Variants in PCDHGA5 observed in about 807,000 individuals in gnomAD.
PCDHGA5 encodes protocadherin gamma-A5.
Under a neutral mutation model 56.7 loss-of-function variants are expected in PCDHGA5, and 36 were observed. The ratio of observed to expected loss-of-function variants is 0.64; its 90% CI spans 0.49 to 0.84. PCDHGA5 has a LOEUF of 0.84. Among genes scored for constraint, PCDHGA5 ranks in the 40% least tolerant of loss-of-function variants. The pLI, the probability that PCDHGA5 is intolerant of heterozygous loss-of-function variation, is 0.00. For synonymous variants in PCDHGA5, 563 were observed against 520.2 expected (o/e 1.08, Z -1.12); for missense variants, 1,305 against 1,201.5 (o/e 1.09, Z -1.27).
intron 1 of PCDHGA5, chr5:141,371,489 C>A (rs548103153): frequency 6.2e-6 from 10 of 1,613,918 alleles, no homozygotes; most frequent in Non-Finnish European, 8.5e-6. Flanking sequence ...TGGGGACTGC[C>A]GTTGCCCTGA....
At chr5:141,483,743 C>G (rs1360515518) in intron 1 of PCDHGA5, among the ~76,000 whole-genome samples, 2 of 152,022 alleles carry the variant, frequency 1.3e-5, no homozygotes, top group Non-Finnish European at 2.9e-5. Context: ...AAAGGATATT[C>G]CTGAGGATCG....
chr5:141,404,291 G>C, intron 1 of PCDHGA5: 1 of 1,613,956 alleles, frequency 6.2e-7, no homozygotes, highest in Non-Finnish European at 8.5e-7. Context: ...TGACATCAAT[G>C]ATAATCCACC....
intron 1 of PCDHGA5, chr5:141,389,907 G>T (rs779604388): frequency 6.2e-7 from 1 of 1,614,082 alleles, no homozygotes; most frequent in Non-Finnish European, 8.5e-7. Context: ...GGATATCACT[G>T]ACCGCCCCGA....
chr5:141,491,233 G>T lies in PCDHGA5; in HGVS notation c.2422-3574G>T. 1 of 1,614,224 alleles carries T rather than the reference G, an allele frequency of 6.2e-7. No homozygotes were observed. The highest frequency in any genetic ancestry group is 2.2e-5 in the East Asian group (1 of 44,890). On this transcript the variant is annotated intron_variant, in intron 1 of 3. Transcript: ENST00000518069. The surrounding 1 kb of genome is among the most constrained non-coding windows in gnomAD (Gnocchi z 6.9). ...CTCCTCCACAGCCACAGTGCTGCTG[G>T]TTCTGGAGGATGAGGACCCTGAGGA...
intron 1 of PCDHGA5, among the ~76,000 whole-genome samples, chr5:141,380,521 A>G (rs1183307813): frequency 1.3e-5 from 2 of 152,218 alleles, no homozygotes; most frequent in South Asian, 4.1e-4. Flanking sequence ...TAAACTATGA[A>G]ATGATTTCAA....
In PCDHGA5 at chr5:141,485,308, A is replaced by G; in HGVS notation, c.2422-9499A>G. On this transcript the variant is annotated intron_variant, in intron 1 of 3. Coordinates refer to ENST00000518069, the MANE Select transcript of PCDHGA5 (RefSeq NM_018918.3). The surrounding 1 kb of genome is among the most constrained non-coding windows in gnomAD (Gnocchi z 5.7). ...AGGAGTCACAGGAAGGGACTTTTGTAGGGAATGTCGCTCAAGATTTCCTGC... is the reference window on the plus strand; with the variant it reads ...AGGAGTCACAGGAAGGGACTTTTGTGGGGAATGTCGCTCAAGATTTCCTGC... 6.2e-7 allele frequency: 1 copy of G among 1,614,112 alleles called. No individual in the cohort carries two copies. The highest frequency in any genetic ancestry group is 8.5e-7 in the Non-Finnish European group (1 of 1,179,996).
rs1267926945 is a variant in PCDHGA5, at chr5:141,364,987, C to G, written c.657C>G (p.Asp219Glu). The G allele has an allele frequency of 6.2e-7, 1 of 1,613,904 alleles. No individual in the cohort carries two copies. Among genetic ancestry groups the G allele is most frequent in the African/African-American group, 1.3e-5 (1 of 75,022 alleles). ...DLLLTALDGGDPVLSGTTHIR... is the reference protein window; with the variant it reads ...DLLLTALDGGEPVLSGTTHIR... ...TCCTCACAGCTTTAGATGGCGGAGA[C>G]CCGGTACTCTCCGGCACCACGCACA... The change falls in exon 1 of 4, where the codon GAC becomes GAG. Residue 219 changes from aspartate (D) to glutamate (E), a missense_variant. By Grantham distance (45) the Asp-to-Glu change is conservative. Transcript: ENST00000518069.
intron 1 of PCDHGA5, chr5:141,385,334 C>A: frequency 6.3e-7 from 1 of 1,581,530 alleles, no homozygotes; most frequent in Non-Finnish European, 8.6e-7. Context: ...GTGAGCCCAG[C>A]CCTTCCTTTA....
chr5:141,423,288 C>T, intron 1 of PCDHGA5: 1 of 1,586,414 alleles, frequency 6.3e-7, no homozygotes, highest in African/African-American at 1.3e-5. Context: ...ACTCTGAAAC[C>T]TCAGACCTCT....
At chr5:141,458,094 A>G (rs1036190372) in intron 1 of PCDHGA5, among the ~76,000 whole-genome samples, 3 of 152,260 alleles carry the variant, frequency 2.0e-5, no homozygotes, top group African/African-American at 7.2e-5. Context: ...AGTTAAGAGT[A>G]CTTACAGATA....
In PCDHGA5 at chr5:141,511,445, A is replaced by G; in HGVS notation, c.*272A>G. ...GGTAGTGGGGTTACTGTAGACACCA[A>G]GAACCATTTGCCACACCCCGTTTAG... On this transcript the variant is annotated 3_prime_UTR_variant, in exon 4 of 4. Coordinates refer to ENST00000518069, the MANE Select transcript of PCDHGA5 (RefSeq NM_018918.3). 4.5e-6 allele frequency: 3 copies of G among 659,774 alleles called. No individual in the cohort carries two copies. Among genetic ancestry groups the G allele is most frequent in the Non-Finnish European group, 4.9e-6 (2 of 412,228 alleles). 40.9% of individuals were successfully genotyped at this position (659,774 alleles called of 1,614,324 possible). A position where few individuals can be genotyped will look rare whatever the true frequency, so the allele number is the denominator to read the frequency against.
rs1445450316 is a variant in PCDHGA5, at chr5:141,491,210, C to T, written c.2422-3597C>T. On this transcript the variant is annotated intron_variant, in intron 1 of 3. Coordinates refer to ENST00000518069, the MANE Select transcript of PCDHGA5 (RefSeq NM_018918.3). The surrounding 1 kb of genome is among the most constrained non-coding windows in gnomAD (Gnocchi z 6.9). ...AGGGACAATGGTGACCCTTCACTCT[C>T]CTCCACAGCCACAGTGCTGCTGGTT... The T allele has an allele frequency of 3.7e-6, 6 of 1,614,228 alleles. No homozygotes were observed. Among genetic ancestry groups the T allele is most frequent in the Non-Finnish European group, 3.4e-6 (4 of 1,180,032 alleles).
chr5:141,395,548 G>T (rs869036595), intron 1 of PCDHGA5: 6 of 21,284 alleles, frequency 2.8e-4, no homozygotes, highest in African/African-American at 1.1e-3. Context: ...TTGTTTGTGT[G>T]TGTGTGTGTG....
At chr5:141,475,218 A>G (rs2154572291) in intron 1 of PCDHGA5, among the ~76,000 whole-genome samples, 1 of 152,326 alleles carries the variant, frequency 6.6e-6, no homozygotes, top group African/African-American at 2.4e-5. Flanking sequence ...GGATTGATCA[A>G]GTAAAGGGAA....
chr5:141,408,669 C>T lies in PCDHGA5; in HGVS notation c.2421+41918C>T, dbSNP rs2095146839. ...GCTGGTACACGACTATCGCTTGACCCTGCCACGGATCCTGATATAAACATA... is the reference window on the plus strand; with the variant it reads ...GCTGGTACACGACTATCGCTTGACCTTGCCACGGATCCTGATATAAACATA... On this transcript the variant is annotated intron_variant, in intron 1 of 3. Transcript: ENST00000518069. The T allele has an allele frequency of 2.5e-6, 4 of 1,613,988 alleles. No homozygotes were observed. Among genetic ancestry groups the T allele is most frequent in the South Asian group, 2.2e-5 (2 of 91,078 alleles).
In PCDHGA5 at chr5:141,364,173, G is replaced by C; in HGVS notation, c.-158G>C. The C allele has an allele frequency of 1.2e-6, 1 of 806,624 alleles. No homozygotes were observed. The allele number at this position is 806,624 out of a possible 1,614,324, so 50.0% of individuals were successfully genotyped here. A position where few individuals can be genotyped will look rare whatever the true frequency, so the allele number is the denominator to read the frequency against. On this transcript the variant is annotated 5_prime_UTR_variant, in exon 1 of 4. Transcript: ENST00000518069. ...GCTGCCGCAGAGGCGACCCGACTCTGCTCCCTCCATACTAAACACACAGAC... is the reference window on the plus strand; with the variant it reads ...GCTGCCGCAGAGGCGACCCGACTCTCCTCCCTCCATACTAAACACACAGAC...
intron 1 of PCDHGA5, among the ~76,000 whole-genome samples, chr5:141,469,189 T>C (rs1393685141): frequency 2.6e-5 from 4 of 151,710 alleles, no homozygotes; most frequent in African/African-American, 9.7e-5. Flanking sequence ...GGCAAGAGGA[T>C]TGCTTGAGCC....
At chr5:141,447,283 G>T (rs1194678678) in intron 1 of PCDHGA5, among the ~76,000 whole-genome samples, 1 of 152,122 alleles carries the variant, frequency 6.6e-6, no homozygotes, top group East Asian at 1.9e-4. Context: ...GGGACTACAG[G>T]CACATGCCAC....
At chr5:141,415,738 AGGTTTTT>A in intron 1 of PCDHGA5, 2 of 538,082 alleles carry the variant, frequency 3.7e-6, no homozygotes, top group Non-Finnish European at 5.4e-6. Flanking sequence ...ATGTTTATTA[AGGTTTTT>A]TTTTTTTTTT....
Sources: gnomAD v4.1 joint callset for allele counts (sites outside exome capture counted in the v4.1 genomes callset) on GRCh38, gnomAD v4.1.1 for gene constraint, Gnocchi (gnomAD v3.1) non-coding constraint, MANE v1.5 for transcripts, NCBI Gene and HGNC (gene_info 2026-07-23, HGNC 2026-07-21) for gene names.